Variants in SUMF1 observed in about 807,000 individuals in gnomAD.
SUMF1 encodes formylglycine-generating enzyme.
Under a neutral mutation model 47.6 loss-of-function variants are expected in SUMF1, and 48 were observed. That is an observed-to-expected ratio of 1.01 (90% CI 0.80 to 1.28). The LOEUF (loss-of-function observed/expected upper bound fraction) is 1.28. SUMF1 is among the 50% of genes most tolerant of loss of function. The pLI is 0.00. For missense variants in SUMF1, 571 were observed against 485.4 expected, an observed-to-expected ratio of 1.18 and a Z score of -1.66; for synonymous variants, 230 against 192.1, an observed-to-expected ratio of 1.20 and a Z score of -1.63.
chr3:4,456,582 G>A (rs1175969616), intron 1 of SUMF1, among the ~76,000 whole-genome samples: 1 of 145,046 alleles, frequency 6.9e-6, no homozygotes, highest in Non-Finnish European at 1.5e-5. Flanking sequence ...CTCCTGAGTA[G>A]CTGGGAGTAC....
intron 9 of SUMF1, among the ~76,000 whole-genome samples, chr3:4,035,223 A>G (rs1483606736): frequency 6.6e-6 from 1 of 152,196 alleles, no homozygotes; most frequent in East Asian, 1.9e-4. Flanking sequence ...TGAATGGCTT[A>G]AAACAACAAG....
intron 8 of SUMF1, among the ~76,000 whole-genome samples, chr3:4,147,831 A>ATT (rs1694231249): frequency 6.6e-6 from 1 of 152,126 alleles, no homozygotes; most frequent in Non-Finnish European, 1.5e-5. Flanking sequence ...GTCCTATAAT[A>ATT]AGCAATAATT....
At chr3:4,307,225 C>G (rs182490044) in intron 8 of SUMF1, among the ~76,000 whole-genome samples, 31 of 152,264 alleles carry the variant, frequency 2.0e-4, no homozygotes, top group African/African-American at 7.2e-4. Context: ...GTCTTCAGTA[C>G]GGAATGTGAT....
intron 6 of SUMF1, among the ~76,000 whole-genome samples, chr3:4,412,900 C>G (rs1177096564): frequency 6.6e-6 from 1 of 152,018 alleles, no homozygotes; most frequent in Non-Finnish European, 1.5e-5. Context: ...AACAAACAAA[C>G]AAAAACAGAT....
At chr3:4,252,187 T>A (rs1193206159) in intron 8 of SUMF1, among the ~76,000 whole-genome samples, 2 of 152,182 alleles carry the variant, frequency 1.3e-5, no homozygotes, top group African/African-American at 4.8e-5. Flanking sequence ...CTACAAAATA[T>A]ACTGTAGCTA....
chr3:4,207,377 T>C (rs1271681167), intron 8 of SUMF1, among the ~76,000 whole-genome samples: 1 of 152,156 alleles, frequency 6.6e-6, no homozygotes, highest in Non-Finnish European at 1.5e-5. Context: ...TAAATAAAAG[T>C]GATGAGAAGA....
At chr3:4,090,099 A>T (rs1405327546) in intron 8 of SUMF1, among the ~76,000 whole-genome samples, 2 of 152,192 alleles carry the variant, frequency 1.3e-5, no homozygotes. Context: ...GTGCCTGGCC[A>T]TAGCAGGTGC....
chr3:4,162,914 AAAG>A (rs571898650), intron 8 of SUMF1, among the ~76,000 whole-genome samples: 3 of 152,070 alleles, frequency 2.0e-5, no homozygotes, highest in African/African-American at 7.2e-5. Flanking sequence ...ATAAAAAAAA[AAAG>A]GTTTTGAAAG....
intron 8 of SUMF1, among the ~76,000 whole-genome samples, chr3:4,240,934 G>A (rs1037140478): frequency 1.3e-5 from 2 of 151,864 alleles, no homozygotes; most frequent in African/African-American, 4.8e-5. Flanking sequence ...AATGACAAAT[G>A]ACATATTTTT....
intron 8 of SUMF1, among the ~76,000 whole-genome samples, chr3:4,298,654 T>C (rs768061045): frequency 6.6e-6 from 1 of 152,220 alleles, no homozygotes; most frequent in Non-Finnish European, 1.5e-5. Flanking sequence ...ACAATTTCTA[T>C]CACATTCTGT....
In SUMF1 at chr3:4,421,913, T is replaced by C. The variant is rs555527890; in HGVS notation, c.520-1767A>G. Among the ~76,000 whole-genome samples the C allele has an allele frequency of 1.8e-4, 28 of 152,360 alleles. No homozygotes were observed. The East Asian group carries it at 4.8e-3, about 26-fold the overall frequency. The stretch of plus-strand genomic sequence containing the variant: ...TCTGAGTAGAAGTTAAGGGAGAATA[T>C]GTCCCTGCTAACAATTACAGCAATC... On this transcript the variant is annotated intron_variant, in intron 3 of 8. Coordinates refer to ENST00000272902, the MANE Select transcript of SUMF1 (RefSeq NM_182760.4).
chr3:4,442,139 C>G (rs1702611620), intron 3 of SUMF1, among the ~76,000 whole-genome samples: 1 of 152,142 alleles, frequency 6.6e-6, no homozygotes, highest in Non-Finnish European at 1.5e-5. Flanking sequence ...CATGGAGGGA[C>G]AGTTTGACAA....
chr3:4,086,330 T>G (rs1329930525), intron 8 of SUMF1, among the ~76,000 whole-genome samples: 1 of 152,062 alleles, frequency 6.6e-6, no homozygotes, highest in Admixed American at 6.5e-5. Flanking sequence ...TCCAAATTAT[T>G]TCAGTCCTTT....
chr3:4,256,116 G>C (rs549843088), intron 8 of SUMF1, among the ~76,000 whole-genome samples: 13,629 of 140,628 alleles, frequency 0.097, 1,619 homozygotes, highest in African/African-American at 0.29. Flanking sequence ...ATTCAAAGCA[G>C]TGTGTAGAGG....
chr3:4,335,424 CCAAAT>C (rs1230226984), intron 8 of SUMF1, among the ~76,000 whole-genome samples: 1 of 152,184 alleles, frequency 6.6e-6, no homozygotes, highest in Non-Finnish European at 1.5e-5. Flanking sequence ...AAATGAATCC[CCAAAT>C]CAGCCTCTTA....
intron 8 of SUMF1, among the ~76,000 whole-genome samples, chr3:4,126,955 C>T (rs947721670): frequency 9.2e-5 from 14 of 152,010 alleles, no homozygotes; most frequent in African/African-American, 3.1e-4. Flanking sequence ...GATTCCACAT[C>T]GTGAAGAAGA....
At position 4,164,592 on chromosome 3, in the gene SUMF1, C is replaced by T. The variant is rs188017043; in HGVS notation, c.1015-95847G>A. On this transcript the variant is annotated intron_variant and NMD_transcript_variant, in intron 8 of 12. Coordinates refer to the SUMF1 transcript ENST00000448413. Reference sequence around the variant, plus strand: ...CAAGCCCTACCAGGTTATTGGCCTGCTCCATTTTCTGTCCTCTCTGAACCA... The same window carrying T: ...CAAGCCCTACCAGGTTATTGGCCTGTTCCATTTTCTGTCCTCTCTGAACCA... Among the ~76,000 whole-genome samples the T allele has an allele frequency of 1.1e-3, 160 of 152,260 alleles. 1 individual carries two copies. The highest frequency in any genetic ancestry group is 6.1e-3 in the Admixed American group (94 of 15,288).
At chr3:4,376,058 G>T (rs931145003) in intron 8 of SUMF1, among the ~76,000 whole-genome samples, 1 of 152,198 alleles carries the variant, frequency 6.6e-6, no homozygotes, top group African/African-American at 2.4e-5. Context: ...CCCCTGTGCA[G>T]TTCGTGGGAC....
chr3:4,190,385 A>G (rs1695289711), intron 8 of SUMF1, among the ~76,000 whole-genome samples: 2 of 152,134 alleles, frequency 1.3e-5, no homozygotes, highest in African/African-American at 4.8e-5. Context: ...GCATTACTAT[A>G]AAGAGTACAG....
Sources: gnomAD v4.1 joint callset for allele counts (sites outside exome capture counted in the v4.1 genomes callset) on GRCh38, gnomAD v4.1.1 for gene constraint, MANE v1.5 for transcripts, NCBI Gene and HGNC (gene_info 2026-07-23, HGNC 2026-07-21) for gene names.